Variants in UMODL1 observed in about 807,000 individuals in gnomAD.
UMODL1 encodes uromodulin like 1.
UMODL1 carries 128 observed loss-of-function variants against 136.3 expected under a neutral mutation model. That is an observed-to-expected ratio of 0.94 (90% CI 0.81 to 1.09). The LOEUF is 1.09. UMODL1 is among the 50% of genes least tolerant of loss of function. The pLI, the probability that UMODL1 is intolerant of heterozygous loss-of-function variation, is 0.00. For missense variants in UMODL1, 1,766 were observed against 1,725.6 expected (o/e 1.02, Z -0.41); for synonymous variants, 721 against 720.0 (o/e 1.00, Z -0.02).
At position 42,123,674 on chromosome 21, in the gene UMODL1, G is replaced by A. The variant is rs753211028; in HGVS notation, c.3147+524G>A. ...ATGTGTATCGCGTGCTTGTGTGCGT[G>A]TGGGTGTGCATGCATGTATGAATGT... On this transcript the variant is annotated intron_variant, in intron 17 of 22. Coordinates refer to ENST00000408910, the MANE Select transcript of UMODL1 (RefSeq NM_001004416.3). This position sits in a 1 kb window ranked among gnomAD's most constrained non-coding sequence, Gnocchi z 4.4. 6.6e-6 allele frequency among the ~76,000 whole-genome samples: 1 copy of A among 152,120 alleles called. No homozygotes were observed. The highest frequency in any genetic ancestry group is 1.5e-5 in the Non-Finnish European group (1 of 68,024).
Position 42,122,751 on chromosome 21 carries a change from G to T in UMODL1, c.2828-80G>T. 1 of 1,432,220 alleles carries T rather than the reference G, an allele frequency of 7.0e-7. No homozygotes were observed. The allele number at this position is 1,432,220 out of a possible 1,614,324, so 88.7% of individuals were successfully genotyped here. A position where few individuals can be genotyped will look rare whatever the true frequency, so the allele number is the denominator to read the frequency against. On this transcript the variant is annotated intron_variant, in intron 16 of 22. Coordinates refer to ENST00000408910, the MANE Select transcript of UMODL1 (RefSeq NM_001004416.3). The surrounding 1 kb of genome is among the most constrained non-coding windows in gnomAD (Gnocchi z 4.3). ...TGCTGCAGAGTGCAGGGCAGCTCCA[G>T]TCTGCTCCTTACCCCTGCCCCTCCA... is the stretch of plus-strand genomic sequence containing the variant.
At chr21:42,069,572 C>A (rs1285132845), upstream of UMODL1, among the ~76,000 whole-genome samples, 3 of 152,160 alleles carry the variant, frequency 2.0e-5, no homozygotes, top group Non-Finnish European at 4.4e-5. Context: ...CTCTTGTTTA[C>A]TGGCTGTGTG....
At chr21:42,125,818 C>T (rs1217804006) in intron 17 of UMODL1, among the ~76,000 whole-genome samples, 1 of 152,174 alleles carries the variant, frequency 6.6e-6, no homozygotes, top group Non-Finnish European at 1.5e-5. Context: ...GGACAGCCTG[C>T]CTGGTGCTCA....
At chr21:42,065,108 C>T (rs967240149) in intron 1 of UMODL1, among the ~76,000 whole-genome samples, 4 of 152,200 alleles carry the variant, frequency 2.6e-5, no homozygotes, top group African/African-American at 9.7e-5. Context: ...ATCCCAACCT[C>T]AGCCCCGGCA....
intron 2 of UMODL1, among the ~76,000 whole-genome samples, chr21:42,082,064 AAG>A (rs1257770490): frequency 2.0e-5 from 3 of 152,200 alleles, no homozygotes; most frequent in African/African-American, 4.8e-5. Context: ...CAACGCAGGA[AAG>A]AGAGTGCGGC....
chr21:42,125,682 C>T (rs1335771439), intron 17 of UMODL1, among the ~76,000 whole-genome samples: 2 of 152,186 alleles, frequency 1.3e-5, no homozygotes, highest in East Asian at 1.9e-4. Flanking sequence ...TGTGGCTTCT[C>T]GGCAGTTTCC....
At chr21:42,076,618 TGA>T (rs1031984339) in intron 2 of UMODL1, among the ~76,000 whole-genome samples, 5 of 152,176 alleles carry the variant, frequency 3.3e-5, no homozygotes, top group Non-Finnish European at 7.4e-5. Context: ...CCCGGGGCGT[TGA>T]GAGAGTGTCG....
chr21:42,079,978 G>A (rs1159863841), intron 2 of UMODL1, among the ~76,000 whole-genome samples: 1 of 152,232 alleles, frequency 6.6e-6, no homozygotes, highest in African/African-American at 2.4e-5. Flanking sequence ...GGGGCCTGGT[G>A]AAGGGCACAG....
At position 42,123,365 on chromosome 21, in the gene UMODL1, A is replaced by G. The variant is rs1447215652; in HGVS notation, c.3147+215A>G. Among the ~76,000 whole-genome samples, 1 of 152,218 alleles carries G rather than the reference A, an allele frequency of 6.6e-6. No homozygotes were observed. Among genetic ancestry groups the G allele is most frequent in the Non-Finnish European group, 1.5e-5 (1 of 68,040 alleles). ...GTCCACCCAGGAGGGACTCTGGTGC[A>G]GAGTGCTGGGGCAGGCTTCAGAGTC... On this transcript the variant is annotated intron_variant, in intron 17 of 22. Transcript: ENST00000408910. The surrounding 1 kb of genome is among the most constrained non-coding windows in gnomAD (Gnocchi z 4.4).
intron 5 of UMODL1, among the ~76,000 whole-genome samples, chr21:42,088,929 G>C (rs1003232878): frequency 6.6e-6 from 1 of 152,104 alleles, no homozygotes; most frequent in Non-Finnish European, 1.5e-5. Flanking sequence ...TACTCCAAAG[G>C]CTCCTTCAGC....
intron 21 of UMODL1, among the ~76,000 whole-genome samples, chr21:42,134,195 T>A (rs2067172339): frequency 6.6e-6 from 1 of 152,218 alleles, no homozygotes; most frequent in African/African-American, 2.4e-5. Context: ...TCAACATATC[T>A]GTTTTTGCAG....
rs748227305 is a variant in UMODL1 at position 42,084,316 on chromosome 21, A to C, written c.481+71A>C. 2.0e-4 allele frequency: 303 copies of C among 1,528,866 alleles called. No homozygotes were observed. In the Middle Eastern group the frequency reaches 2.4e-3, roughly 12 times the overall value. The allele number at this position is 1,528,866 out of a possible 1,614,324, so 94.7% of individuals were successfully genotyped here. A position where few individuals can be genotyped will look rare whatever the true frequency, so the allele number is the denominator to read the frequency against. ...TCTCGGTGAGGCCTGATCTGTGTGA[A>C]GGTGTGGGGGGGAGTGTGTTTCTAG... On this transcript the variant is annotated intron_variant, in intron 3 of 22. Transcript: ENST00000408910.
intron 14 of UMODL1, among the ~76,000 whole-genome samples, 187 bp downstream of exon 14, chr21:42,116,172 CA>C (rs56162491): frequency 0.078 from 5,821 of 74,892 alleles, 117 homozygotes; most frequent in East Asian, 0.18. Context: ...CCATCTCCAC[CA>C]AAAAAAAAAA....
Position 42,122,988 on chromosome 21 carries a change from C to A in UMODL1, c.2985C>A (p.Ile995=), listed in dbSNP as rs58867895. ...GAGCAGTCAGGGTGCTCTGTGAGAT[C>A]GAGAAGGTGGTTGTCGCCATCCAGA... is the stretch of plus-strand genomic sequence containing the variant. ...LTGAVRVLCE[I]EKVVVAIQKR... is the part of the protein sequence containing the mutation. Residue 995 remains isoleucine, a synonymous_variant, in exon 17 of 23, where the codon ATC becomes ATA. Transcript: ENST00000408910. The surrounding 1 kb of genome is among the most constrained non-coding windows in gnomAD (Gnocchi z 4.3). 1.2e-6 allele frequency: 2 copies of A among 1,613,992 alleles called. No homozygotes were observed. Among genetic ancestry groups the A allele is most frequent in the Non-Finnish European group, 1.7e-6 (2 of 1,179,998 alleles).
intron 2 of UMODL1, among the ~76,000 whole-genome samples, chr21:42,077,706 G>A (rs1337055100): frequency 6.6e-6 from 1 of 152,174 alleles, no homozygotes; most frequent in African/African-American, 2.4e-5. Context: ...TTGAGGAAGG[G>A]GCTGCCAGTG....
In UMODL1 at chr21:42,137,485, C is replaced by T. The variant is rs1429082241; in HGVS notation, c.3822C>T (p.Val1274=). The T allele has an allele frequency of 5.6e-6, 9 of 1,614,130 alleles. No homozygotes were observed. The South Asian group carries it at 9.9e-5, about 18-fold the overall frequency. Residue 1274 remains valine, a synonymous_variant, in exon 22 of 23, where the codon GTC becomes GTT. Transcript: ENST00000408910. ...AEAGLGAGYV[V]LIVVAIFVLV... is the part of the protein sequence containing the mutation. Reference sequence around the variant, plus strand: ...CAGGCCTGGGTGCCGGTTATGTGGTCCTTATTGTGGTGGCCATCTTCGTGC... The same window carrying T: ...CAGGCCTGGGTGCCGGTTATGTGGTTCTTATTGTGGTGGCCATCTTCGTGC...
Position 42,123,032 on chromosome 21 carries a change from A to T in UMODL1, c.3029A>T (p.Glu1010Val). 6.2e-7 allele frequency: 1 copy of T among 1,614,088 alleles called. No individual in the cohort carries two copies. The highest frequency in any genetic ancestry group is 8.5e-7 in the Non-Finnish European group (1 of 1,180,022). Residue 1010 changes from glutamate (E) to valine (V), a missense_variant, in exon 17 of 23, where the codon GAA becomes GTA. By Grantham distance (121) the Glu-to-Val change is moderately radical. Coordinates refer to ENST00000408910, the MANE Select transcript of UMODL1 (RefSeq NM_001004416.3). This position sits in a 1 kb window ranked among gnomAD's most constrained non-coding sequence, Gnocchi z 4.4. ...VAIQKRFLQQ[E>V]SIPESSLYLS... is the part of the protein sequence containing the mutation. Reference sequence around the variant, plus strand: ...ATCCAGAAGCGCTTCCTGCAGCAGGAATCCATCCCCGAGTCCTCGTTGTAC... The same window carrying T: ...ATCCAGAAGCGCTTCCTGCAGCAGGTATCCATCCCCGAGTCCTCGTTGTAC...
chr21:42,128,140 TC>T (rs2067087109), intron 20 of UMODL1: 1 of 498,160 alleles, frequency 2.0e-6, no homozygotes, highest in Admixed American at 2.5e-5. Flanking sequence ...ACCTAGTGCT[TC>T]TAAGGTGATT....
At chr21:42,107,523 G>A (rs1366401615) in intron 9 of UMODL1, among the ~76,000 whole-genome samples, 1 of 152,220 alleles carries the variant, frequency 6.6e-6, no homozygotes, top group African/African-American at 2.4e-5. Flanking sequence ...CTGCTGGCCA[G>A]GCTAACCTAC....
Sources: allele counts gnomAD v4.1 joint callset (sites outside exome capture counted in the v4.1 genomes callset), GRCh38; gene constraint gnomAD v4.1.1; non-coding constraint Gnocchi (gnomAD v3.1); transcripts MANE v1.5; gene names NCBI Gene and HGNC (gene_info 2026-07-23, HGNC 2026-07-21).